Variants in CRX observed in about 807,000 individuals in gnomAD.
CRX encodes the protein cone-rod homeobox.
CRX carries 5 observed loss-of-function variants against 13.1 expected under a neutral mutation model. That is an observed-to-expected ratio of 0.38 (90% CI 0.20 to 0.80). CRX has a LOEUF of 0.80. Among genes scored for constraint, CRX ranks in the 30% least tolerant of loss-of-function variants. The pLI is 0.43. For synonymous variants in CRX, 179 were observed against 171.1 expected (o/e 1.05, Z -0.36); for missense variants, 351 against 391.8 (o/e 0.90, Z 0.88).
At position 47,839,255 on chromosome 19, in the gene CRX, C is replaced by A; in HGVS notation, c.253-65C>A. ...ACCAATAAGTGTCCTCATCCCCGGG[C>A]ACCCTGCGGCTCTCCTGGGCCTCTT... On this transcript the variant is annotated intron_variant, in intron 3 of 3. Coordinates refer to ENST00000221996, the MANE Select transcript of CRX (RefSeq NM_000554.6). This position sits in a 1 kb window ranked among gnomAD's most constrained non-coding sequence, Gnocchi z 4.6. The A allele has an allele frequency of 6.5e-7, 1 of 1,542,736 alleles. No individual in the cohort carries two copies.
In CRX at chr19:47,842,722, A is replaced by C. The variant is rs1968213690; in HGVS notation, c.*2755A>C. On this transcript the variant is annotated 3_prime_UTR_variant, in exon 4 of 4. Transcript: ENST00000221996. ...AATTCACACGGGAGGGGCAGGGATG[A>C]GACAATATTGTGCCCTGGGTCTGTG... 1 of 152,274 alleles carries C rather than the reference A, an allele frequency of 6.6e-6. No individual in the cohort carries two copies. The highest frequency in any genetic ancestry group is 1.5e-5 in the Non-Finnish European group (1 of 68,098). 9.4% of individuals were successfully genotyped at this position (152,274 alleles called of 1,614,324 possible).
intron 1 of CRX, among the ~76,000 whole-genome samples, chr19:47,831,513 C>T (rs116226312): frequency 5.9e-4 from 89 of 151,946 alleles, no homozygotes; most frequent in Non-Finnish European, 9.4e-4. Context: ...ACTGCACGTG[C>T]GAGAGATCTA....
In CRX at chr19:47,839,648, C is replaced by G; in HGVS notation, c.581C>G (p.Thr194Ser). Residue 194 changes from threonine to serine, a missense_variant, in exon 4 of 4, where the codon ACC becomes AGC. Around this residue, in one of 3 missense-constraint regions of CRX, gnomAD observed 253 missense variants for 268.3 expected, o/e 0.94. Transcript: ENST00000221996. This position sits in a 1 kb window ranked among gnomAD's most constrained non-coding sequence, Gnocchi z 4.6. ...CTGACCTCCGCCCCCTATGCCATGA[C>G]CTACGCCCCGGCCTCCGCTTTCTGC... is the stretch of plus-strand genomic sequence containing the variant. Reference protein sequence around the residue: ...PSLTSAPYAMTYAPASAFCSS... With the variant: ...PSLTSAPYAMSYAPASAFCSS... The G allele has an allele frequency of 6.2e-7, 1 of 1,613,378 alleles. No homozygotes were observed.
rs1254917139 is a variant in CRX, at chr19:47,843,058, A to T, written c.*3091A>T. On this transcript the variant is annotated 3_prime_UTR_variant, in exon 4 of 4. Transcript: ENST00000221996. ...CCACCAGGAGCCGGAGAGGGCAGGGAGCCAAATCCAGCTAGGAGGTTACAG... is the reference window on the plus strand; with the variant it reads ...CCACCAGGAGCCGGAGAGGGCAGGGTGCCAAATCCAGCTAGGAGGTTACAG... The T allele has an allele frequency of 6.6e-6, 1 of 152,240 alleles. No homozygotes were observed. The highest frequency in any genetic ancestry group is 1.5e-5 in the Non-Finnish European group (1 of 68,130). 9.4% of individuals were successfully genotyped at this position (152,240 alleles called of 1,614,324 possible).
chr19:47,835,626 T>G (rs1234720489), intron 2 of CRX, among the ~76,000 whole-genome samples: 1 of 146,962 alleles, frequency 6.8e-6, no homozygotes, highest in African/African-American at 2.5e-5. Flanking sequence ...TCTTGTTTTT[T>G]TTTTTTTTTT....
chr19:47,839,257 C>A lies in CRX; in HGVS notation c.253-63C>A. 1.9e-6 allele frequency: 3 copies of A among 1,555,006 alleles called. No homozygotes were observed. Among genetic ancestry groups the A allele is most frequent in the Non-Finnish European group, 2.6e-6 (3 of 1,146,632 alleles). Reference sequence around the variant, plus strand: ...CAATAAGTGTCCTCATCCCCGGGCACCCTGCGGCTCTCCTGGGCCTCTTCC... The same window carrying A: ...CAATAAGTGTCCTCATCCCCGGGCAACCTGCGGCTCTCCTGGGCCTCTTCC... On this transcript the variant is annotated intron_variant, in intron 3 of 3. Coordinates refer to ENST00000221996, the MANE Select transcript of CRX (RefSeq NM_000554.6). The surrounding 1 kb of genome is among the most constrained non-coding windows in gnomAD (Gnocchi z 4.6).
In CRX at chr19:47,839,772, C is replaced by A; in HGVS notation, c.705C>A (p.Ser235Arg). The change falls in exon 4 of 4, where the codon AGC (serine) becomes AGA (arginine). Residue 235 changes from serine to arginine, a missense_variant. Coordinates refer to ENST00000221996, the MANE Select transcript of CRX (RefSeq NM_000554.6). This position sits in a 1 kb window ranked among gnomAD's most constrained non-coding sequence, Gnocchi z 4.6. The part of the protein sequence containing the change: ...MVPQLGGPAL[S>R]PLSGPSVGPS... ...CCCAGCTAGGGGGCCCGGCTCTTAG[C>A]CCCCTCTCTGGCCCCTCCGTGGGAC... 2 of 1,614,110 alleles carry A rather than the reference C, an allele frequency of 1.2e-6. No homozygotes were observed. Among genetic ancestry groups the A allele is most frequent in the Non-Finnish European group, 1.7e-6 (2 of 1,179,992 alleles).
intron 1 of CRX, among the ~76,000 whole-genome samples, chr19:47,832,016 G>GGC (rs1968053224): frequency 1.3e-4 from 19 of 149,502 alleles, no homozygotes; most frequent in African/African-American, 4.6e-4. Flanking sequence ...TGGGATTGCA[G>GGC]ATGTGAGCCA....
chr19:47,837,516 G>C (rs1253533075), intron 3 of CRX, among the ~76,000 whole-genome samples: 2 of 152,182 alleles, frequency 1.3e-5, no homozygotes, highest in Non-Finnish European at 2.9e-5. Context: ...TATATGATTG[G>C]ACTGATAAAT....
chr19:47,822,521 ATGAC>A (rs1967924359), intron 1 of CRX, among the ~76,000 whole-genome samples: 1 of 152,162 alleles, frequency 6.6e-6, no homozygotes, highest in Non-Finnish European at 1.5e-5. Flanking sequence ...GGATGGATGA[ATGAC>A]AGACAAGGGA....
chr19:47,836,510 A>G (rs1024221919), intron 3 of CRX, 116 bp downstream of exon 3: 1 of 1,359,992 alleles, frequency 7.4e-7, no homozygotes. Context: ...CAAAGTTATA[A>G]AGGGGACAAT....
intron 1 of CRX, among the ~76,000 whole-genome samples, chr19:47,825,842 A>G (rs1023830017): frequency 1.3e-5 from 2 of 152,310 alleles, no homozygotes; most frequent in Middle Eastern, 3.4e-3. Flanking sequence ...GAATCGCTTG[A>G]ATCCGGGAGG....
chr19:47,828,612 A>AGTGTGTGTGTGTGTGTGT (rs113277135), intron 1 of CRX, among the ~76,000 whole-genome samples: 1 of 149,508 alleles, frequency 6.7e-6, no homozygotes, highest in African/African-American at 2.5e-5. Flanking sequence ...GGAGGTAGGG[A>AGTGTGTGTGTGTGTGTGT]GCGTGTGTGT....
In CRX at chr19:47,823,492, C is replaced by T. The variant is rs117529660; in HGVS notation, c.-36+1482C>T. On this transcript the variant is annotated intron_variant, in intron 1 of 3. Coordinates refer to ENST00000221996, the MANE Select transcript of CRX (RefSeq NM_000554.6). ...CCCAGCTTCCCCCAGGTCTCATGGC[C>T]GGCAGTGGGTGCATCCACCCAGCTC... is the stretch of plus-strand genomic sequence containing the variant. Among the ~76,000 whole-genome samples the T allele has an allele frequency of 9.5e-4, 145 of 152,158 alleles. 2 individuals are homozygous for T. In the East Asian group the frequency reaches 0.024, roughly 25 times the overall value.
intron 3 of CRX, among the ~76,000 whole-genome samples, chr19:47,838,709 ATGTGTG>A (rs1205299606): frequency 2.0e-5 from 3 of 152,124 alleles, no homozygotes; most frequent in African/African-American, 7.2e-5. Context: ...GTATAATTGT[ATGTGTG>A]CATGTTTGTA....
chr19:47,823,262 G>C (rs1967933407), intron 1 of CRX, among the ~76,000 whole-genome samples: 1 of 152,158 alleles, frequency 6.6e-6, no homozygotes, highest in South Asian at 2.1e-4. Context: ...ATGAATGAAG[G>C]GCAGAAGGGT....
At chr19:47,833,140 G>A (rs1246229465) in intron 1 of CRX, among the ~76,000 whole-genome samples, 1 of 146,026 alleles carries the variant, frequency 6.8e-6, no homozygotes, top group African/African-American at 2.5e-5. Flanking sequence ...GTCTCACTAT[G>A]TTGCCTAGGC....
rs557807176 is a variant in CRX at position 47,837,317 on chromosome 19, C to T, written c.252+923C>T. Among the ~76,000 whole-genome samples the T allele has an allele frequency of 2.0e-5, 3 of 152,254 alleles. No individual in the cohort carries two copies. In the East Asian group the frequency reaches 5.8e-4, roughly 29 times the overall value. On this transcript the variant is annotated intron_variant, in intron 3 of 3. Coordinates refer to ENST00000221996, the MANE Select transcript of CRX (RefSeq NM_000554.6). ...GTGTAGCTGGGATTACAGGCGTGTG[C>T]CACCACACCGGGCTAATTTTTGTAT...
At chr19:47,825,151 T>C (rs1967960676) in intron 1 of CRX, among the ~76,000 whole-genome samples, 3 of 151,756 alleles carry the variant, frequency 2.0e-5, no homozygotes, top group African/African-American at 7.3e-5. Context: ...GGCTAATTTT[T>C]GTATTTTTAG....
Sources: allele counts gnomAD v4.1 joint callset (sites outside exome capture counted in the v4.1 genomes callset), GRCh38; gene constraint gnomAD v4.1.1; regional missense constraint gnomAD v4.1.1; non-coding constraint Gnocchi (gnomAD v3.1); transcripts MANE v1.5; gene names NCBI Gene and HGNC (gene_info 2026-07-23, HGNC 2026-07-21).